The following POLN variants were observed in gnomAD, a reference collection of about 807,000 sequenced individuals.
The protein encoded by POLN is DNA polymerase N.
POLN carries 108 observed loss-of-function variants against 113.5 expected under a neutral mutation model. The observed-to-expected ratio is 0.95, with a 90% CI of 0.81 to 1.12. The LOEUF (loss-of-function observed/expected upper bound fraction) is 1.12. Ranked by LOEUF, POLN falls within the 50% of genes most tolerant of loss-of-function variation. POLN has a pLI of 0.00. For synonymous variants in POLN, 386 were observed against 391.5 expected (o/e 0.99, Z 0.17); for missense variants, 1,097 against 1,077.1 (o/e 1.02, Z -0.26).
At chr4:2,075,373 C>T (rs1730250704) in intron 24 of POLN, 79 bp downstream of exon 24, 11 of 1,480,380 alleles carry the variant, frequency 7.4e-6, no homozygotes, top group Non-Finnish European at 1.0e-5. Flanking sequence ...AGGGGCTTTC[C>T]TGGGCTGTGC....
At chr4:2,091,761 C>CTCTGTG (rs1553893075) in intron 20 of POLN, among the ~76,000 whole-genome samples, 7 of 145,096 alleles carry the variant, frequency 4.8e-5, no homozygotes, top group Non-Finnish European at 7.5e-5. Context: ...ACACGTGAAT[C>CTCTGTG]TGTGTGTGTG....
At chr4:2,084,388 C>T (rs966895724) in intron 21 of POLN, among the ~76,000 whole-genome samples, 6 of 152,218 alleles carry the variant, frequency 3.9e-5, no homozygotes, top group South Asian at 4.1e-4. Context: ...CTTGGGGCCT[C>T]TGCTGCGGCT....
At chr4:2,099,256 T>C (rs920498003) in intron 19 of POLN, among the ~76,000 whole-genome samples, 8 of 152,176 alleles carry the variant, frequency 5.3e-5, no homozygotes, top group African/African-American at 1.4e-4. Context: ...AAGGGTACCA[T>C]GTGGAATCGG....
chr4:2,193,425 A>G, intron 6 of POLN, 109 bp from the exon 7 acceptor site: 2 of 624,094 alleles, frequency 3.2e-6, no homozygotes, highest in South Asian at 4.5e-5. Context: ...TAGCACATAC[A>G]CACATTCACT....
rs1730618100 is a variant in POLN at position 2,089,455 on chromosome 4, TTTTC to T, written c.2066-3715_2066-3712del. ...CAAAGTAAAGCACTGGCTTATATTG[TTTTC>T]TTTGTGTTCCCGAAACAGTTCAGTT... is the stretch of plus-strand genomic sequence containing the variant. On this transcript the variant is annotated intron_variant, in intron 20 of 25. Coordinates refer to ENST00000511885, the MANE Select transcript of POLN (RefSeq NM_181808.4). 5.0e-6 allele frequency: 7 copies of T among 1,410,336 alleles called. No homozygotes were observed. The Middle Eastern group carries it at 5.4e-4, about 108-fold the overall frequency. 87.4% of individuals were successfully genotyped at this position (1,410,336 alleles called of 1,614,324 possible). A position where few individuals can be genotyped will look rare whatever the true frequency, so the allele number is the denominator to read the frequency against.
chr4:2,181,492 A>G (rs1284855494), intron 7 of POLN, among the ~76,000 whole-genome samples: 1 of 143,812 alleles, frequency 7.0e-6, no homozygotes, highest in Non-Finnish European at 1.5e-5. Context: ...CAAGTCCAAC[A>G]GAACTTAAAA....
chr4:2,199,489 C>T (rs1029357371), intron 5 of POLN, among the ~76,000 whole-genome samples: 3 of 152,074 alleles, frequency 2.0e-5, no homozygotes, highest in Non-Finnish European at 4.4e-5. Flanking sequence ...GGCGAGAGAA[C>T]ACATTACATA....
intron 21 of POLN, among the ~76,000 whole-genome samples, chr4:2,082,189 C>T (rs1036095375): frequency 7.2e-5 from 11 of 152,072 alleles, no homozygotes; most frequent in Non-Finnish European, 1.5e-4. Flanking sequence ...CTCCTGACCT[C>T]AGGTGATCCA....
At chr4:2,150,526 A>T (rs1432564295) in intron 16 of POLN, among the ~76,000 whole-genome samples, 1 of 152,090 alleles carries the variant, frequency 6.6e-6, no homozygotes. Context: ...GACCCAAAAT[A>T]ACCTTTTTTT....
chr4:2,162,485 T>C (rs1732624160), intron 13 of POLN, among the ~76,000 whole-genome samples: 2 of 152,294 alleles, frequency 1.3e-5, no homozygotes, highest in Non-Finnish European at 2.9e-5. Context: ...TTGAAGTCAG[T>C]GAGACCAAGA....
chr4:2,111,623 G>C (rs1008706736), intron 19 of POLN, among the ~76,000 whole-genome samples: 1 of 152,132 alleles, frequency 6.6e-6, no homozygotes, highest in African/African-American at 2.4e-5. Context: ...CAAATCATGA[G>C]TGAACTCCCA....
chr4:2,198,552 C>T lies in POLN; in HGVS notation c.880G>A (p.Glu294Lys). The T allele has an allele frequency of 1.2e-6, 2 of 1,611,582 alleles. No homozygotes were observed. The highest frequency in any genetic ancestry group is 1.7e-5 in the Admixed American group (1 of 59,662). Residue 294 changes from glutamate to lysine, a missense_variant, in exon 6 of 26, where the codon GAA becomes AAA. By Grantham distance (56) the Glu-to-Lys change is moderately conservative. Transcript: ENST00000511885. ...GCAAATTGTTGATGTGCCTCCTGTT[C>T]TTGGTCCCAGATAGCAGAGTGCTCT... ...QIEHSAIWDQ[E>K]QEAHQQFARN...
At chr4:2,129,071 A>C in intron 18 of POLN, 108 bp downstream of exon 18, 1 of 820,386 alleles carries the variant, frequency 1.2e-6, no homozygotes, top group Non-Finnish European at 1.8e-6. Context: ...AAAAAAAAAA[A>C]AAAAAGAATT....
intron 6 of POLN, among the ~76,000 whole-genome samples, chr4:2,193,573 T>C (rs1490280236): frequency 2.0e-5 from 3 of 152,150 alleles, no homozygotes; most frequent in South Asian, 4.1e-4. Flanking sequence ...CCATTACCTG[T>C]AGAATAAGAC....
chr4:2,192,634 G>A (rs1365408805), intron 7 of POLN, among the ~76,000 whole-genome samples: 1 of 151,618 alleles, frequency 6.6e-6, no homozygotes, highest in African/African-American at 2.4e-5. Context: ...CACTGTGCCC[G>A]GCCATGTCCA....
chr4:2,131,569 C>T (rs1731729157), intron 16 of POLN, among the ~76,000 whole-genome samples: 1 of 152,086 alleles, frequency 6.6e-6, no homozygotes, highest in African/African-American at 2.4e-5. Flanking sequence ...TTACAGCAGC[C>T]CAAATTATGA....
chr4:2,170,078 G>A (rs1271779555), intron 13 of POLN, among the ~76,000 whole-genome samples: 5 of 152,178 alleles, frequency 3.3e-5, no homozygotes, highest in Admixed American at 6.5e-5. Flanking sequence ...GTCGAATGCT[G>A]GACAGAGCAC....
chr4:2,097,296 G>A (rs1730818091), intron 19 of POLN, among the ~76,000 whole-genome samples: 1 of 151,960 alleles, frequency 6.6e-6, no homozygotes, highest in Non-Finnish European at 1.5e-5. Flanking sequence ...ACATGCTGCT[G>A]CCTTCAAGAT....
chr4:2,144,018 G>C (rs1197282973), intron 16 of POLN, among the ~76,000 whole-genome samples: 3 of 151,482 alleles, frequency 2.0e-5, no homozygotes, highest in African/African-American at 7.3e-5. Context: ...TTAATATATT[G>C]TCTTCAAAAT....
Sources: allele counts gnomAD v4.1 joint callset (sites outside exome capture counted in the v4.1 genomes callset), GRCh38; gene constraint gnomAD v4.1.1; transcripts MANE v1.5; gene names NCBI Gene and HGNC (gene_info 2026-07-23, HGNC 2026-07-21).